The following UBXN7 variants were observed in gnomAD, a reference collection of about 807,000 sequenced individuals.
UBXN7 encodes UBX domain-containing protein 7.
In UBXN7, 9 loss-of-function variants were observed where a neutral mutation model predicts 58.0. That is an observed-to-expected ratio of 0.16 (90% CI 0.09 to 0.27). The LOEUF (loss-of-function observed/expected upper bound fraction) is 0.27. Ranked by LOEUF, UBXN7 falls within the 10% of genes least tolerant of loss-of-function variation. The pLI is 1.00. For synonymous variants in UBXN7, 208 were observed against 205.0 expected (o/e 1.01, Z -0.12); for missense variants, 328 against 599.6 (o/e 0.55, Z 4.73).
chr3:196,426,937 C>G (rs759010833), intron 1 of UBXN7, among the ~76,000 whole-genome samples: 1 of 151,906 alleles, frequency 6.6e-6, no homozygotes, highest in Non-Finnish European at 1.5e-5. Flanking sequence ...TAAATATGCA[C>G]TCATCAACCA....
intron 1 of UBXN7, among the ~76,000 whole-genome samples, chr3:196,411,873 GATAT>G (rs1440530912): frequency 6.6e-6 from 1 of 152,104 alleles, no homozygotes; most frequent in Non-Finnish European, 1.5e-5. Context: ...AGCTGATAAA[GATAT>G]ATATTTAAGG....
intron 6 of UBXN7, among the ~76,000 whole-genome samples, chr3:196,371,067 TAGCTGGGAAGACTAA>T (rs1226329838): frequency 4.6e-5 from 7 of 152,102 alleles, no homozygotes; most frequent in Admixed American, 2.0e-4. Context: ...CTTATCTCAT[TAGCTGGGAAGACTAA>T]AGTGACATGT....
intron 3 of UBXN7, among the ~76,000 whole-genome samples, chr3:196,395,953 A>AG (rs2108848005): frequency 6.6e-6 from 1 of 152,110 alleles, no homozygotes; most frequent in East Asian, 1.9e-4. Flanking sequence ...TTTAGTAGGG[A>AG]GGGGGTTTCA....
chr3:196,427,055 T>C (rs1052013592), intron 1 of UBXN7, among the ~76,000 whole-genome samples: 16 of 152,314 alleles, frequency 1.1e-4, no homozygotes, highest in Non-Finnish European at 1.3e-4. Context: ...TAACCTCTTG[T>C]ACTCTTCTTA....
intron 7 of UBXN7, among the ~76,000 whole-genome samples, chr3:196,368,916 G>A (rs1020815250): frequency 6.6e-5 from 10 of 152,108 alleles, no homozygotes; most frequent in Admixed American, 1.3e-4. Flanking sequence ...TCCACCTCCC[G>A]GGTTCAGGCC....
chr3:196,392,296 G>GTT (rs1283977984), intron 4 of UBXN7, among the ~76,000 whole-genome samples: 3 of 151,760 alleles, frequency 2.0e-5, no homozygotes, highest in Non-Finnish European at 4.4e-5. Flanking sequence ...GAGGTCAGGA[G>GTT]TTTGAGATCA....
At chr3:196,404,411 C>T (rs1289763141) in intron 2 of UBXN7, among the ~76,000 whole-genome samples, 7 of 151,940 alleles carry the variant, frequency 4.6e-5, no homozygotes, top group African/African-American at 1.7e-4. Context: ...TACAGGCGCA[C>T]GCCACCACGC....
intron 5 of UBXN7, among the ~76,000 whole-genome samples, chr3:196,382,976 C>A (rs1287292953): frequency 2.6e-5 from 4 of 151,770 alleles, no homozygotes; most frequent in Non-Finnish European, 4.4e-5. Flanking sequence ...ATTAGCTGGG[C>A]GTGGTGGCAG....
chr3:196,406,847 T>G (rs945810023), intron 2 of UBXN7, among the ~76,000 whole-genome samples: 1 of 152,240 alleles, frequency 6.6e-6, no homozygotes, highest in African/African-American at 2.4e-5. Flanking sequence ...TGCTACTTAA[T>G]TGCTGTGTAG....
At chr3:196,398,951 CCT>C (rs1377745380) in intron 3 of UBXN7, among the ~76,000 whole-genome samples, 3 of 151,936 alleles carry the variant, frequency 2.0e-5, no homozygotes, top group African/African-American at 7.3e-5. Context: ...TCCGGCCAAA[CCT>C]CTTTTTTAAA....
Position 196,351,933 on chromosome 3 carries a change from T to C in UBXN7, c.*4752A>G, listed in dbSNP as rs2108821739. On this transcript the variant is annotated 3_prime_UTR_variant, in exon 11 of 11. Coordinates refer to ENST00000296328, the MANE Select transcript of UBXN7 (RefSeq NM_015562.2). ...AATCTTTACTCCGGGGGATCAATAGTGAGATCCCCGCAAGCTAGGAATCTT... is the reference window on the plus strand; with the variant it reads ...AATCTTTACTCCGGGGGATCAATAGCGAGATCCCCGCAAGCTAGGAATCTT... The C allele has an allele frequency of 6.6e-6, 1 of 152,284 alleles. No individual in the cohort carries two copies. The highest frequency in any genetic ancestry group is 2.1e-4 in the South Asian group (1 of 4,826). 9.4% of individuals were successfully genotyped at this position (152,284 alleles called of 1,614,324 possible). A position where few individuals can be genotyped will look rare whatever the true frequency, so the allele number is the denominator to read the frequency against.
intron 7 of UBXN7, 73 bp from the exon 8 acceptor site, chr3:196,368,228 T>A: frequency 6.9e-7 from 1 of 1,445,124 alleles, no homozygotes; most frequent in Non-Finnish European, 9.3e-7. Flanking sequence ...CCAGGATCTA[T>A]AAATATAATA....
chr3:196,394,342 C>G (rs1729698173), intron 3 of UBXN7, among the ~76,000 whole-genome samples: 1 of 149,086 alleles, frequency 6.7e-6, no homozygotes, highest in Non-Finnish European at 1.5e-5. Context: ...GCTCACACCT[C>G]CTGTAATCCC....
At chr3:196,407,813 C>T (rs1397571473) in intron 1 of UBXN7, among the ~76,000 whole-genome samples, 1 of 152,000 alleles carries the variant, frequency 6.6e-6, no homozygotes, top group Non-Finnish European at 1.5e-5. Context: ...AAAAAGAAAG[C>T]ATCAGGCTGG....
chr3:196,383,031 G>A (rs1429252050), intron 5 of UBXN7, among the ~76,000 whole-genome samples: 1 of 151,460 alleles, frequency 6.6e-6, no homozygotes, highest in Non-Finnish European at 1.5e-5. Context: ...TGGGAGAATG[G>A]CATGAACCCA....
rs148030731 is a variant in UBXN7 at position 196,395,081 on chromosome 3, A to G, written c.290-1462T>C. 2.3e-3 allele frequency among the ~76,000 whole-genome samples: 350 copies of G among 152,346 alleles called. 17 individuals carry two copies. The South Asian group carries it at 0.066, about 29-fold the overall frequency. ...AATAAAGGCTTTTCATGATTCCCTC[A>G]ATATGGGTAAGTAACTAAGTTGGCT... On this transcript the variant is annotated intron_variant, in intron 3 of 10. Transcript: ENST00000296328.
At chr3:196,392,218 G>A (rs1351266764) in intron 4 of UBXN7, among the ~76,000 whole-genome samples, 2 of 152,056 alleles carry the variant, frequency 1.3e-5, no homozygotes, top group Non-Finnish European at 2.9e-5. Flanking sequence ...TAACATGGGA[G>A]AGGCTGAGTG....
At chr3:196,382,742 C>T (rs1449099487) in intron 5 of UBXN7, among the ~76,000 whole-genome samples, 2 of 152,058 alleles carry the variant, frequency 1.3e-5, no homozygotes, top group Non-Finnish European at 2.9e-5. Context: ...TTCAGGAGAC[C>T]CATCTCACAT....
intron 10 of UBXN7, among the ~76,000 whole-genome samples, chr3:196,357,411 G>A (rs746006485): frequency 1.1e-4 from 17 of 152,162 alleles, no homozygotes; most frequent in Non-Finnish European, 2.2e-4. Context: ...AATGCCTGAC[G>A]CAAGGGATTC....
Sources: gnomAD v4.1 joint callset for allele counts (sites outside exome capture counted in the v4.1 genomes callset) on GRCh38, gnomAD v4.1.1 for gene constraint, MANE v1.5 for transcripts, NCBI Gene and HGNC (gene_info 2026-07-23, HGNC 2026-07-21) for gene names.